The following CACNG6 variants were observed in gnomAD, a reference collection of about 807,000 sequenced individuals.
CACNG6 encodes the protein calcium voltage-gated channel auxiliary subunit gamma 6.
CACNG6 carries 21 observed loss-of-function variants against 23.9 expected under a neutral mutation model. The observed-to-expected ratio is 0.88, with a 90% confidence interval of 0.62 to 1.26. The LOEUF (loss-of-function observed/expected upper bound fraction) is 1.26, where lower values mean the gene tolerates loss of function less well. Ranked by LOEUF, CACNG6 falls within the 50% of genes most tolerant of loss-of-function variation. The pLI is 0.00. For missense variants in CACNG6, 340 were observed against 352.9 expected (o/e 0.96, Z 0.29); for synonymous variants, 182 against 168.9 (o/e 1.08, Z -0.60).
chr19:53,993,515 C>T (rs1163309030), intron 1 of CACNG6, among the ~76,000 whole-genome samples: 7 of 130,124 alleles, frequency 5.4e-5, no homozygotes. Flanking sequence ...GAGTCTGTGC[C>T]CCCAGGCCAT....
intron 3 of CACNG6, among the ~76,000 whole-genome samples, chr19:54,006,370 G>A (rs1385242773): frequency 6.6e-6 from 1 of 151,854 alleles, no homozygotes; most frequent in South Asian, 2.1e-4. Flanking sequence ...TTTCCTCACC[G>A]TTCTGGAGGC....
intron 3 of CACNG6, among the ~76,000 whole-genome samples, chr19:54,007,563 T>C (rs2069661411): frequency 6.6e-6 from 1 of 152,192 alleles, no homozygotes; most frequent in Admixed American, 6.6e-5. Flanking sequence ...ATGTATTTTG[T>C]AATAAGAGCT....
chr19:53,994,991 C>G (rs2069506204), intron 1 of CACNG6, among the ~76,000 whole-genome samples: 1 of 152,028 alleles, frequency 6.6e-6, no homozygotes, highest in African/African-American at 2.4e-5. Context: ...TGTACATTAA[C>G]TCATCAAGCA....
chr19:54,011,225 T>C (rs191915745), intron 3 of CACNG6, among the ~76,000 whole-genome samples: 33,152 of 108,654 alleles, frequency 0.31, 6,037 homozygotes, highest in East Asian at 0.46. Context: ...TATATATATA[T>C]ATACACACAC....
intron 3 of CACNG6, among the ~76,000 whole-genome samples, chr19:54,001,010 A>T (rs2069569619): frequency 1.3e-5 from 2 of 152,004 alleles, no homozygotes; most frequent in South Asian, 4.1e-4. Flanking sequence ...CTTTTTTGAG[A>T]TGGAGTCTCA....
At chr19:54,011,205 A>AATATATATATATATATATATATATAT (rs1555819785) in intron 3 of CACNG6, among the ~76,000 whole-genome samples, 2 of 102,496 alleles carry the variant, frequency 2.0e-5, no homozygotes, top group Admixed American at 1.2e-4. Context: ...AAAAAAAAAA[A>AATATATATATATATATATATATATAT]ATATATATAT....
chr19:53,991,270 T>G (rs1248559080), upstream of CACNG6, among the ~76,000 whole-genome samples: 9 of 147,304 alleles, frequency 6.1e-5, no homozygotes, highest in Non-Finnish European at 1.3e-4. Flanking sequence ...GACCCAAGAC[T>G]CCTGGCCTCA....
intron 1 of CACNG6, among the ~76,000 whole-genome samples, chr19:53,996,964 G>A (rs933626004): frequency 2.4e-4 from 35 of 148,226 alleles, no homozygotes; most frequent in African/African-American, 8.9e-4. Context: ...TGCCTCCCAG[G>A]CTGAAGGGAT....
chr19:53,998,048 G>A (rs1244273475), intron 1 of CACNG6, among the ~76,000 whole-genome samples, 191 bp from the exon 2 acceptor site: 1 of 152,150 alleles, frequency 6.6e-6, no homozygotes, highest in African/African-American at 2.4e-5. Context: ...CCCCGGGTAG[G>A]AGTCCCAGCT....
At chr19:54,009,657 C>A (rs1469618560) in intron 3 of CACNG6, among the ~76,000 whole-genome samples, 2 of 152,030 alleles carry the variant, frequency 1.3e-5, no homozygotes, top group Non-Finnish European at 2.9e-5. Flanking sequence ...ATGCCCCCTG[C>A]AGGCATTTGA....
intron 1 of CACNG6, among the ~76,000 whole-genome samples, chr19:53,997,197 A>G (rs1439520794): frequency 6.6e-6 from 1 of 152,088 alleles, no homozygotes; most frequent in Non-Finnish European, 1.5e-5. Context: ...AAATTAAATT[A>G]TTAATATTAA....
intron 3 of CACNG6, among the ~76,000 whole-genome samples, chr19:54,008,122 G>A (rs1476269247): frequency 1.3e-5 from 2 of 152,118 alleles, no homozygotes; most frequent in Non-Finnish European, 2.9e-5. Context: ...ACTTTGGGAA[G>A]TGGATAGATC....
Position 54,012,375 on chromosome 19 carries a change from G to C in CACNG6, c.*186G>C, listed in dbSNP as rs1413580760. 2.4e-6 allele frequency: 1 copy of C among 412,476 alleles called. No homozygotes were observed. The highest frequency in any genetic ancestry group is 4.3e-6 in the Non-Finnish European group (1 of 232,854). The allele number at this position is 412,476 out of a possible 1,614,324, so 25.6% of individuals were successfully genotyped here. On this transcript the variant is annotated 3_prime_UTR_variant, in exon 4 of 4. Transcript: ENST00000252729. ...CCTCTGTAAATACGTTTTTCTCTGTGGCTGTATGTGGGTTGCTTGGGGGTG... is the reference window on the plus strand; with the variant it reads ...CCTCTGTAAATACGTTTTTCTCTGTCGCTGTATGTGGGTTGCTTGGGGGTG...
chr19:53,999,507 T>C (rs1328125636), intron 2 of CACNG6, 127 bp from the exon 3 acceptor site: 1 of 1,044,318 alleles, frequency 9.6e-7, no homozygotes, highest in Non-Finnish European at 1.4e-6. Flanking sequence ...GGCTGGATGA[T>C]ACTCTACTTG....
chr19:53,998,523 T>G (rs919461563), intron 2 of CACNG6, among the ~76,000 whole-genome samples: 15 of 150,346 alleles, frequency 1.0e-4, no homozygotes, highest in African/African-American at 3.4e-4. Flanking sequence ...TTTTTTTTTT[T>G]TTTTTTGAGA....
At chr19:53,997,288 G>A (rs539764228) in intron 1 of CACNG6, among the ~76,000 whole-genome samples, 11 of 152,196 alleles carry the variant, frequency 7.2e-5, no homozygotes, top group Middle Eastern at 3.4e-3. Flanking sequence ...ATGGCTATAT[G>A]TACTGGAGAG....
At position 54,012,092 on chromosome 19, in the gene CACNG6, T is replaced by G; in HGVS notation, c.686T>G (p.Leu229Arg). The change falls in exon 4 of 4, where the codon CTG becomes CGG. Residue 229 changes from leucine to arginine, a missense_variant. Leu to Arg is a moderately radical substitution (Grantham distance 102). Transcript: ENST00000252729. ...CTGGGCTGCGGCGTGGGGGCCGGCCTGATCCTGCTGTTGGGGGCCGGCTGC... is the reference window on the plus strand; with the variant it reads ...CTGGGCTGCGGCGTGGGGGCCGGCCGGATCCTGCTGTTGGGGGCCGGCTGC... ...WSLGCGVGAG[L>R]ILLLGAGCFL... 1 of 1,578,926 alleles carries G rather than the reference T, an allele frequency of 6.3e-7. No individual in the cohort carries two copies. The highest frequency in any genetic ancestry group is 2.3e-5 in the East Asian group (1 of 42,724).
intron 3 of CACNG6, among the ~76,000 whole-genome samples, chr19:54,011,705 C>T (rs972101405): frequency 2.6e-5 from 4 of 151,880 alleles, no homozygotes; most frequent in African/African-American, 9.7e-5. Context: ...TTTTCCTCTT[C>T]CCTCCGGCCC....
At chr19:53,999,214 G>A (rs1323816498) in intron 2 of CACNG6, among the ~76,000 whole-genome samples, 2 of 152,086 alleles carry the variant, frequency 1.3e-5, no homozygotes, top group Non-Finnish European at 2.9e-5. Flanking sequence ...ATTCCTACTG[G>A]AATCTGGAAA....
Sources: gnomAD v4.1 joint callset for allele counts (sites outside exome capture counted in the v4.1 genomes callset) on GRCh38, gnomAD v4.1.1 for gene constraint, MANE v1.5 for transcripts, NCBI Gene and HGNC (gene_info 2026-07-23, HGNC 2026-07-21) for gene names.